Variants in CELSR1 observed in about 807,000 individuals in gnomAD.
The protein encoded by CELSR1 is cadherin EGF LAG seven-pass G-type receptor 1, also known as adhesion G protein-coupled receptor C1.
In CELSR1, 110 loss-of-function variants were observed where a neutral mutation model predicts 249.1. The observed-to-expected ratio is 0.44, with a 90% CI of 0.38 to 0.52. The LOEUF (loss-of-function observed/expected upper bound fraction) is 0.52, where lower values mean the gene tolerates loss of function less well. Ranked by LOEUF, CELSR1 falls within the 20% of genes least tolerant of loss-of-function variation. The probability of loss-of-function intolerance (pLI) is 0.00; values close to 1 mark genes in which losing one functional copy is unlikely to be tolerated. For synonymous variants in CELSR1, 2,113 were observed against 1,900.0 expected (o/e 1.11, Z -2.92); for missense variants, 4,109 against 4,296.4 (o/e 0.96, Z 1.22).
rs3788713 is a variant in CELSR1, at chr22:46,484,179, G to A, written c.3545-19834C>T. Among the ~76,000 whole-genome samples the A allele has an allele frequency of 1.4e-4, 21 of 152,316 alleles. No individual in the cohort carries two copies. Among genetic ancestry groups the A allele is most frequent in the African/African-American group, 4.3e-4 (18 of 41,568 alleles). ...AGAAGGGGAGCTGCTGGGGAGAGCC[G>A]TTACGACGGTGGGGACGGGTCCGAG... is the stretch of plus-strand genomic sequence containing the variant. On this transcript the variant is annotated intron_variant, in intron 1 of 34. Transcript: ENST00000674500. The surrounding 1 kb of genome is among the most constrained non-coding windows in gnomAD (Gnocchi z 4.5).
In CELSR1 at chr22:46,430,219, CA is replaced by C. The variant is rs1196190836; in HGVS notation, c.4611+3173del. ...AGACTGAAGAGAGGAGGGTGGGCAG[CA>C]GCGGCATGGCCCGCACCAATGCTTC... On this transcript the variant is annotated intron_variant, in intron 5 of 34. Transcript: ENST00000674500. This position sits in a 1 kb window ranked among gnomAD's most constrained non-coding sequence, Gnocchi z 4.6. Among the ~76,000 whole-genome samples the C allele has an allele frequency of 2.0e-5, 3 of 152,252 alleles. No homozygotes were observed. Among genetic ancestry groups the C allele is most frequent in the East Asian group, 3.8e-4 (2 of 5,202 alleles).
rs776882187 is a variant in CELSR1 at position 46,436,130 on chromosome 22, CTG to C, written c.4522+42_4522+43del. The C allele has an allele frequency of 2.0e-6, 3 of 1,512,470 alleles. No individual in the cohort carries two copies. In the African/African-American group the frequency reaches 4.1e-5, roughly 21 times the overall value. The allele number at this position is 1,512,470 out of a possible 1,614,324, so 93.7% of individuals were successfully genotyped here. On this transcript the variant is annotated intron_variant, in intron 4 of 34. Coordinates refer to ENST00000674500, the MANE Select transcript of CELSR1 (RefSeq NM_001378328.1). This position sits in a 1 kb window ranked among gnomAD's most constrained non-coding sequence, Gnocchi z 5.9. ...AGGGTCGTTTTAACCCACAAAGTAT[CTG>C]TGAATTGCTCAGAGCTGCCCTTCCT...
rs765919065 is a variant in CELSR1, at chr22:46,410,530, C to T, written c.4801G>A (p.Gly1601Arg). ...TCTTCTGGCAGGTTGGGGACACCCC[C>T]CAGGAGTAGAGGGCCGGTCAGATCC... Reference protein sequence around the residue: ...SLDLTGPLLLGGVPNLPEDFP... With the variant: ...SLDLTGPLLLRGVPNLPEDFP... Residue 1601 changes from glycine to arginine, a missense_variant, in exon 7 of 35, where the codon GGG becomes AGG. Gly to Arg is a moderately radical substitution (Grantham distance 125, BLOSUM62 -2). Coordinates refer to ENST00000674500, the MANE Select transcript of CELSR1 (RefSeq NM_001378328.1). The surrounding 1 kb of genome is among the most constrained non-coding windows in gnomAD (Gnocchi z 6.8). 1 of 1,614,050 alleles carries T rather than the reference C, an allele frequency of 6.2e-7. No individual in the cohort carries two copies. The highest frequency in any genetic ancestry group is 1.1e-5 in the South Asian group (1 of 91,086).
intron 2 of CELSR1, among the ~76,000 whole-genome samples, chr22:46,449,160 C>T (rs1210657681): frequency 6.6e-6 from 1 of 151,516 alleles, no homozygotes; most frequent in African/African-American, 2.4e-5. Flanking sequence ...AGCTTCCAAG[C>T]ACTCACCCAG....
At position 46,407,736 on chromosome 22, in the gene CELSR1, C is replaced by A. The variant is rs1179335259; in HGVS notation, c.5226+1260G>T. Among the ~76,000 whole-genome samples, 2 of 152,224 alleles carry A rather than the reference C, an allele frequency of 1.3e-5. No individual in the cohort carries two copies. Among genetic ancestry groups the A allele is most frequent in the African/African-American group, 4.8e-5 (2 of 41,462 alleles). On this transcript the variant is annotated intron_variant, in intron 9 of 34. Transcript: ENST00000674500. This position sits in a 1 kb window ranked among gnomAD's most constrained non-coding sequence, Gnocchi z 4.8. ...GACAGAGCGCCCTGCTCAGGCACGG[C>A]TCCCACAGGCCACTCCCGTGCCAGG...
intron 1 of CELSR1, chr22:46,481,199 C>A (rs1339253386): frequency 7.8e-6 from 2 of 256,042 alleles, no homozygotes; most frequent in Non-Finnish European, 1.5e-5. Context: ...CGTGCCACTG[C>A]ACTCCAGCCT....
chr22:46,439,144 T>C (rs981824499), intron 3 of CELSR1, 45 bp downstream of exon 3: 2 of 1,558,566 alleles, frequency 1.3e-6, no homozygotes, highest in African/African-American at 2.7e-5. Context: ...AGCTCGCCCC[T>C]TTCCTAAAGA....
At position 46,399,280 on chromosome 22, in the gene CELSR1, G is replaced by A. The variant is rs1569135434; in HGVS notation, c.5412+437C>T. On this transcript the variant is annotated intron_variant, in intron 10 of 34. Coordinates refer to ENST00000674500, the MANE Select transcript of CELSR1 (RefSeq NM_001378328.1). This position sits in a 1 kb window ranked among gnomAD's most constrained non-coding sequence, Gnocchi z 5.0. ...CTGCCTGGGACATGTGTGGCTCCCTGGTGTCTCACAGGCCTGTCCAGGACC... is the reference window on the plus strand; with the variant it reads ...CTGCCTGGGACATGTGTGGCTCCCTAGTGTCTCACAGGCCTGTCCAGGACC... Among the ~76,000 whole-genome samples, 1 of 152,198 alleles carries A rather than the reference G, an allele frequency of 6.6e-6. No homozygotes were observed. The highest frequency in any genetic ancestry group is 2.1e-4 in the South Asian group (1 of 4,828).
At chr22:46,477,002 G>A (rs1054956424) in intron 1 of CELSR1, among the ~76,000 whole-genome samples, 4 of 152,130 alleles carry the variant, frequency 2.6e-5, no homozygotes, top group Admixed American at 1.3e-4. Context: ...TTATTTTGGC[G>A]TGACATTGTA....
chr22:46,474,107 C>T (rs773508343), intron 1 of CELSR1, among the ~76,000 whole-genome samples: 7 of 152,176 alleles, frequency 4.6e-5, no homozygotes, highest in Admixed American at 3.3e-4. Context: ...TAGAAAGGCC[C>T]ACGTGCTGCT....
At position 46,374,158 on chromosome 22, in the gene CELSR1, G is replaced by A. The variant is rs757431212; in HGVS notation, c.7585-1101C>T. 1.3e-5 allele frequency among the ~76,000 whole-genome samples: 2 copies of A among 152,230 alleles called. No homozygotes were observed. The highest frequency in any genetic ancestry group is 6.5e-5 in the Admixed American group (1 of 15,288). On this transcript the variant is annotated intron_variant, in intron 24 of 34. Transcript: ENST00000674500. The surrounding 1 kb of genome is among the most constrained non-coding windows in gnomAD (Gnocchi z 4.3). The stretch of plus-strand genomic sequence containing the variant: ...GACTGTGGCCTCGGTCAGGAAAGGA[G>A]GCGCGAGCGTGTGGCTGGAGAACTC...
chr22:46,412,884 C>T lies in CELSR1; in HGVS notation c.4612-1125G>A, dbSNP rs74820535. 0.017 allele frequency among the ~76,000 whole-genome samples: 2,517 copies of T among 152,284 alleles called. 66 individuals carry two copies. The highest frequency in any genetic ancestry group is 0.062 in the Middle Eastern group (18 of 292). Reference sequence around the variant, plus strand: ...ACAAGACCTACATCCCACAGGTGGCCGTGACGATGAGCCAGGAGATCGCCA... The same window carrying T: ...ACAAGACCTACATCCCACAGGTGGCTGTGACGATGAGCCAGGAGATCGCCA... On this transcript the variant is annotated intron_variant, in intron 5 of 34. Transcript: ENST00000674500. This position sits in a 1 kb window ranked among gnomAD's most constrained non-coding sequence, Gnocchi z 4.5.
At chr22:46,474,194 C>G (rs2080183827) in intron 1 of CELSR1, among the ~76,000 whole-genome samples, 1 of 152,202 alleles carries the variant, frequency 6.6e-6, no homozygotes, top group African/African-American at 2.4e-5. Flanking sequence ...GGGGGCAGGG[C>G]TGGGGAGAGC....
Position 46,406,618 on chromosome 22 carries a change from C to G in CELSR1, c.5226+2378G>C, listed in dbSNP as rs2079269132. ...GCAGTCCCTCTGTCCACCCGCCAAC[C>G]CTCATGCCAATCTTGGCTATACAGA... On this transcript the variant is annotated intron_variant, in intron 9 of 34. Coordinates refer to ENST00000674500, the MANE Select transcript of CELSR1 (RefSeq NM_001378328.1). This position sits in a 1 kb window ranked among gnomAD's most constrained non-coding sequence, Gnocchi z 5.4. Among the ~76,000 whole-genome samples the G allele has an allele frequency of 6.6e-6, 1 of 152,238 alleles. No individual in the cohort carries two copies. The highest frequency in any genetic ancestry group is 1.5e-5 in the Non-Finnish European group (1 of 68,040).
intron 1 of CELSR1, among the ~76,000 whole-genome samples, chr22:46,522,915 T>A (rs1434027986): frequency 6.6e-6 from 1 of 152,242 alleles, no homozygotes; most frequent in African/African-American, 2.4e-5. Flanking sequence ...GGAGAACACC[T>A]GCTCAGCGGG....
At chr22:46,384,146 G>A (rs1300669538) in intron 20 of CELSR1, among the ~76,000 whole-genome samples, 2 of 152,068 alleles carry the variant, frequency 1.3e-5, no homozygotes, top group Non-Finnish European at 2.9e-5. Flanking sequence ...ACGTTGGCCA[G>A]GCTGGTCTCG....
In CELSR1 at chr22:46,473,077, G is replaced by A. The variant is rs753598454; in HGVS notation, c.3545-8732C>T. Reference sequence around the variant, plus strand: ...AGAGACACGGGCACGGAGGCAGGGGGTGGGTGAACCTCCGACTGCTGCCGG... The same window carrying A: ...AGAGACACGGGCACGGAGGCAGGGGATGGGTGAACCTCCGACTGCTGCCGG... On this transcript the variant is annotated intron_variant, in intron 1 of 34. Transcript: ENST00000674500. This position sits in a 1 kb window ranked among gnomAD's most constrained non-coding sequence, Gnocchi z 6.6. Among the ~76,000 whole-genome samples, 2 of 152,256 alleles carry A rather than the reference G, an allele frequency of 1.3e-5. No homozygotes were observed. Among genetic ancestry groups the A allele is most frequent in the South Asian group, 2.1e-4 (1 of 4,822 alleles).
rs776460893 is a variant in CELSR1, at chr22:46,534,367, T to C, written c.2804A>G (p.Asp935Gly). 2 of 1,612,710 alleles carry C rather than the reference T, an allele frequency of 1.2e-6. No individual in the cohort carries two copies. The highest frequency in any genetic ancestry group is 1.6e-4 in the Middle Eastern group (1 of 6,084). ...GATGTAGAAGTCCCCATCGCCGTCG[T>C]CCCCACCCTGGAAGGTGTACAGCAG... ...GRLLYTFQGGDDGDGDFYIEP... is the reference protein window; with the variant it reads ...GRLLYTFQGGGDGDGDFYIEP... The change falls in exon 1 of 35, where the codon GAC becomes GGC. Residue 935 changes from aspartate to glycine, a missense_variant. By Grantham distance (94) the Asp-to-Gly change is moderately conservative (BLOSUM62 -1). Around this residue, in one of 7 missense-constraint regions of CELSR1, gnomAD observed 886 missense variants for 896.5 expected, o/e 0.99. Coordinates refer to ENST00000674500, the MANE Select transcript of CELSR1 (RefSeq NM_001378328.1). The surrounding 1 kb of genome is among the most constrained non-coding windows in gnomAD (Gnocchi z 9.7).
At position 46,391,748 on chromosome 22, in the gene CELSR1, G is replaced by C; in HGVS notation, c.6033C>G (p.His2011Gln). ...CGGTGGCCATGTCGCAAGTGCGGCTGTGGGAGCCATGGGGGAAGCAGTCGC... is the reference window on the plus strand; with the variant it reads ...CGGTGGCCATGTCGCAAGTGCGGCTCTGGGAGCCATGGGGGAAGCAGTCGC... ...LPCDCFPHGS[H>Q]SRTCDMATGQ... Residue 2011 changes from histidine to glutamine, a missense_variant, in exon 15 of 35, where the codon CAC becomes CAG. His to Gln is a conservative substitution (Grantham distance 24, BLOSUM62 0). This residue lies in a region of CELSR1 where 1,805 missense variants were observed against 1,831.6 expected (regional missense o/e 0.99). Coordinates refer to ENST00000674500, the MANE Select transcript of CELSR1 (RefSeq NM_001378328.1). The surrounding 1 kb of genome is among the most constrained non-coding windows in gnomAD (Gnocchi z 4.3). 1 of 1,612,710 alleles carries C rather than the reference G, an allele frequency of 6.2e-7. No individual in the cohort carries two copies.
Sources: gnomAD v4.1 joint callset for allele counts (sites outside exome capture counted in the v4.1 genomes callset) on GRCh38, gnomAD v4.1.1 for gene constraint, gnomAD v4.1.1 regional missense constraint, Gnocchi (gnomAD v3.1) non-coding constraint, MANE v1.5 for transcripts, NCBI Gene and HGNC (gene_info 2026-07-23, HGNC 2026-07-21) for gene names.